IGF1R: variants seen among roughly 807,000 people sequenced by gnomAD.
IGF1R encodes insulin-like growth factor 1 receptor.
IGF1R carries 44 observed loss-of-function variants against 144.6 expected under a neutral mutation model. That is an observed-to-expected ratio of 0.30 (90% CI 0.24 to 0.39). IGF1R has a LOEUF of 0.39. Ranked by LOEUF, IGF1R falls within the 10% of genes least tolerant of loss-of-function variation. IGF1R has a pLI of 1.00. For synonymous variants in IGF1R, 795 were observed against 722.8 expected (o/e 1.10, Z -1.60); for missense variants, 1,355 against 1,833.7 (o/e 0.74, Z 4.77).
In IGF1R at chr15:98,649,182, G is replaced by T; in HGVS notation, c.-400G>T. ...AAGCTCGGGCGTCCGGCCGCCTCCC[G>T]CGCGGCCAGGGCCGGGCTTGTTTTT... On this transcript the variant is annotated 5_prime_UTR_variant, in exon 1 of 21. Coordinates refer to ENST00000650285, the MANE Select transcript of IGF1R (RefSeq NM_000875.5). 9.1e-6 allele frequency: 2 copies of T among 219,164 alleles called. No homozygotes were observed. The highest frequency in any genetic ancestry group is 1.4e-3 in the Middle Eastern group (1 of 718). The allele number at this position is 219,164 out of a possible 1,614,324, so 13.6% of individuals were successfully genotyped here.
At chr15:98,766,086 G>C (rs1023640637) in intron 2 of IGF1R, among the ~76,000 whole-genome samples, 26 of 152,214 alleles carry the variant, frequency 1.7e-4, no homozygotes, top group African/African-American at 6.3e-4. Context: ...GAAGGGTGTG[G>C]ATGAAGGGTG....
At position 98,854,947 on chromosome 15, in the gene IGF1R, C is replaced by G. The variant is rs563205297; in HGVS notation, c.641-36378C>G. On this transcript the variant is annotated intron_variant, in intron 2 of 20. Coordinates refer to ENST00000650285, the MANE Select transcript of IGF1R (RefSeq NM_000875.5). ...TCTCACTCCCTCCACCCCTGCCCCC[C>G]CCAACACATGTGGAGTACCTTACCC... Among the ~76,000 whole-genome samples the G allele has an allele frequency of 2.6e-4, 39 of 152,194 alleles. No individual in the cohort carries two copies. In the East Asian group the frequency reaches 6.8e-3, roughly 26 times the overall value.
At chr15:98,947,275 G>T (rs1400881662) in intron 19 of IGF1R, among the ~76,000 whole-genome samples, 3 of 152,194 alleles carry the variant, frequency 2.0e-5, no homozygotes, top group African/African-American at 7.2e-5. Context: ...GTATCAATTT[G>T]TACAAAAATC....
intron 5 of IGF1R, 89 bp downstream of exon 5, chr15:98,899,710 C>T: frequency 2.2e-6 from 3 of 1,335,224 alleles, no homozygotes; most frequent in Non-Finnish European, 3.2e-6. Flanking sequence ...AGAGCCCTCC[C>T]TGCCTTGTTA....
chr15:98,691,247 C>G (rs1236624619), intron 1 of IGF1R, among the ~76,000 whole-genome samples: 1 of 152,160 alleles, frequency 6.6e-6, no homozygotes, highest in East Asian at 1.9e-4. Context: ...TTCACCTCTT[C>G]TGGTCTGTGA....
intron 2 of IGF1R, among the ~76,000 whole-genome samples, chr15:98,819,148 A>T (rs2056757273): frequency 6.6e-6 from 1 of 151,880 alleles, no homozygotes; most frequent in Admixed American, 6.6e-5. Flanking sequence ...ATGGAGTTGA[A>T]CACAGCAGTG....
At chr15:98,864,094 CA>C (rs563431594) in intron 2 of IGF1R, among the ~76,000 whole-genome samples, 27 of 145,246 alleles carry the variant, frequency 1.9e-4, no homozygotes, top group Admixed American at 2.7e-4. Flanking sequence ...CACATCACTA[CA>C]AAAAAAAAAA....
chr15:98,897,412 G>C (rs1321730393), intron 4 of IGF1R: 1 of 180,642 alleles, frequency 5.5e-6, no homozygotes, highest in Admixed American at 5.5e-5. Context: ...AAGGATACAA[G>C]TGTGTGTCAT....
In IGF1R at chr15:98,773,830, C is replaced by T. The variant is rs560282446; in HGVS notation, c.640+65723C>T. Reference sequence around the variant, plus strand: ...CCACATAGCTCCAGTAGGTGTCTGACGACATCTTGTGATCCGGGGGGAAGC... The same window carrying T: ...CCACATAGCTCCAGTAGGTGTCTGATGACATCTTGTGATCCGGGGGGAAGC... On this transcript the variant is annotated intron_variant, in intron 2 of 20. Transcript: ENST00000650285. Among the ~76,000 whole-genome samples the T allele has an allele frequency of 5.3e-5, 8 of 152,180 alleles. No individual in the cohort carries two copies. The South Asian group carries it at 1.2e-3, about 24-fold the overall frequency.
chr15:98,747,271 A>C (rs62024533), intron 2 of IGF1R, among the ~76,000 whole-genome samples: 43,259 of 151,844 alleles, frequency 0.28, 6,442 homozygotes, highest in South Asian at 0.38. Context: ...GTCTCGGCTC[A>C]CTGCAACCTC....
At chr15:98,649,733 G>A (rs975594687) in intron 1 of IGF1R, 58 bp downstream of exon 1, 3 of 1,341,620 alleles carry the variant, frequency 2.2e-6, no homozygotes, top group East Asian at 4.7e-5. Flanking sequence ...GAGGGGCTGC[G>A]CCCTGTTTGC....
chr15:98,905,559 G>A (rs1220384503), intron 5 of IGF1R, among the ~76,000 whole-genome samples: 1 of 151,922 alleles, frequency 6.6e-6, no homozygotes, highest in Admixed American at 6.6e-5. Context: ...AGCTACTTGG[G>A]AGGCTGAGGT....
chr15:98,938,659 G>T (rs2016248757), intron 17 of IGF1R, among the ~76,000 whole-genome samples: 1 of 152,064 alleles, frequency 6.6e-6, no homozygotes, highest in African/African-American at 2.4e-5. Context: ...AGTAATCCTG[G>T]TATTTTTGTA....
intron 2 of IGF1R, among the ~76,000 whole-genome samples, chr15:98,861,025 TTCCC>T (rs369235208): frequency 1.3e-5 from 2 of 151,946 alleles, no homozygotes; most frequent in South Asian, 2.1e-4. Flanking sequence ...TTTCTTTTTC[TTCCC>T]TCCCTCCCTC....
chr15:98,913,364 G>A (rs575809941), intron 8 of IGF1R, 82 bp downstream of exon 8: 646 of 1,047,868 alleles, frequency 6.2e-4, no homozygotes, highest in Non-Finnish European at 8.7e-4. Context: ...GTCATTGTAG[G>A]GTTAGCAGTG....
chr15:98,678,740 T>C (rs1596174519), intron 1 of IGF1R, among the ~76,000 whole-genome samples: 1 of 152,050 alleles, frequency 6.6e-6, no homozygotes, highest in Admixed American at 6.6e-5. Context: ...CGCAGGCTGG[T>C]CTAGCATTAC....
At chr15:98,771,925 G>T (rs927080760) in intron 2 of IGF1R, among the ~76,000 whole-genome samples, 66 of 150,994 alleles carry the variant, frequency 4.4e-4, no homozygotes, top group African/African-American at 1.6e-3. Context: ...TTTTAAATAG[G>T]TAGGGAGGCA....
chr15:98,923,582 T>A (rs924896240), intron 11 of IGF1R, among the ~76,000 whole-genome samples: 1 of 152,104 alleles, frequency 6.6e-6, no homozygotes, highest in South Asian at 2.1e-4. Context: ...GCAGCAGGCT[T>A]TTTTTGTTGA....
chr15:98,833,692 A>G (rs1444374778), intron 2 of IGF1R, among the ~76,000 whole-genome samples: 1 of 152,274 alleles, frequency 6.6e-6, no homozygotes, highest in East Asian at 1.9e-4. Context: ...CCAAGCTTAT[A>G]TCACATAAAT....
Sources: gnomAD v4.1 joint callset for allele counts (sites outside exome capture counted in the v4.1 genomes callset) on GRCh38, gnomAD v4.1.1 for gene constraint, MANE v1.5 for transcripts, NCBI Gene and HGNC (gene_info 2026-07-23, HGNC 2026-07-21) for gene names.